Variants in CFAP47 observed in about 807,000 individuals in gnomAD.
CFAP47 encodes cilia- and flagella-associated protein 47.
A neutral mutation model predicts 148.1 loss-of-function variants in CFAP47; 29 were observed. The observed-to-expected ratio is 0.20, with a 90% CI of 0.15 to 0.27. CFAP47 has a LOEUF of 0.27. Ranked by LOEUF, CFAP47 falls within the 10% of genes least tolerant of loss-of-function variation. The pLI is 1.00. For synonymous variants in CFAP47, 664 were observed against 577.3 expected (o/e 1.15, Z -2.15); for missense variants, 1,872 against 1,697.5 (o/e 1.10, Z -1.81).
intron 57 of CFAP47, among the ~76,000 whole-genome samples, chrX:36,323,900 T>C (rs1382615084): frequency 3.6e-5 from 4 of 111,489 alleles, no homozygotes; most frequent in Non-Finnish European, 5.7e-5. Flanking sequence ...TAAGCAAATA[T>C]ATATTTCTAG....
At chrX:36,114,621 C>T (rs73472808) in intron 33 of CFAP47, among the ~76,000 whole-genome samples, 79 of 111,424 alleles carry the variant, frequency 7.1e-4, no homozygotes, top group African/African-American at 2.5e-3. Context: ...AGAAGGCCAG[C>T]GCTCAGCTCT....
chrX:36,243,917 CA>C (rs1444324370), intron 48 of CFAP47, among the ~76,000 whole-genome samples: 8 of 109,180 alleles, frequency 7.3e-5, no homozygotes. Flanking sequence ...ACCAAACAAT[CA>C]CAGAAAATAC....
At chrX:36,160,524 A>G (rs913457883) in intron 38 of CFAP47, among the ~76,000 whole-genome samples, 157 bp from the exon 39 acceptor site, 7 of 111,924 alleles carry the variant, frequency 6.3e-5, no homozygotes, top group Non-Finnish European at 1.3e-4. Flanking sequence ...TAGAATACCT[A>G]GAAAGTTTTT....
chrX:36,232,340 G>A (rs1174552160), intron 46 of CFAP47, among the ~76,000 whole-genome samples: 1 of 111,731 alleles, frequency 9.0e-6, no homozygotes, highest in East Asian at 2.8e-4. Context: ...GTTTAGTCTT[G>A]GGAGAGTGTA....
chrX:36,172,408 C>T (rs1221430065), intron 39 of CFAP47, among the ~76,000 whole-genome samples: 2 of 107,182 alleles, frequency 1.9e-5, no homozygotes, highest in Non-Finnish European at 3.9e-5. Context: ...CAGTTTTTGC[C>T]CATTCAGTAT....
At chrX:36,227,896 C>T (rs1321548728) in intron 45 of CFAP47, among the ~76,000 whole-genome samples, 1 of 111,542 alleles carries the variant, frequency 9.0e-6, no homozygotes, top group Non-Finnish European at 1.9e-5. Context: ...GAAATGGTGA[C>T]CTTCAGAGAA....
At chrX:36,222,480 T>C (rs1940222988) in intron 45 of CFAP47, among the ~76,000 whole-genome samples, 1 of 110,435 alleles carries the variant, frequency 9.1e-6, no homozygotes, top group African/African-American at 3.3e-5. Flanking sequence ...AACCAATATT[T>C]TAAAAATTGA....
intron 45 of CFAP47, among the ~76,000 whole-genome samples, chrX:36,226,835 A>G (rs781965006): frequency 3.5e-4 from 39 of 111,803 alleles, no homozygotes; most frequent in Non-Finnish European, 5.8e-4. Flanking sequence ...TGTGCGTTGC[A>G]ATGATTGTGT....
chrX:36,360,442 T>C (rs954849299), intron 60 of CFAP47, among the ~76,000 whole-genome samples: 1 of 111,788 alleles, frequency 8.9e-6, no homozygotes, highest in Non-Finnish European at 1.9e-5. Flanking sequence ...CCAGGCCTAG[T>C]GCAAGGATAT....
At chrX:35,973,440 C>T (rs189576501) in intron 13 of CFAP47, among the ~76,000 whole-genome samples, 37 of 111,884 alleles carry the variant, frequency 3.3e-4, no homozygotes, top group Non-Finnish European at 3.9e-4. Context: ...CCGCCCGCCT[C>T]GGCCTCCCAA....
At chrX:36,344,247 A>G (rs1556016244) in intron 57 of CFAP47, among the ~76,000 whole-genome samples, 2 of 98,945 alleles carry the variant, frequency 2.0e-5, no homozygotes, top group Non-Finnish European at 3.8e-5. Context: ...AAGAAAAAAA[A>G]AGAGAGAAAG....
chrX:36,245,287 A>G (rs781963773), intron 48 of CFAP47, among the ~76,000 whole-genome samples: 1 of 111,806 alleles, frequency 8.9e-6, no homozygotes, highest in Non-Finnish European at 1.9e-5. Context: ...AAAGCCAAGG[A>G]TGCCAAATTT....
At chrX:35,959,678 G>A (rs774907915) in intron 8 of CFAP47, among the ~76,000 whole-genome samples, 6 of 109,520 alleles carry the variant, frequency 5.5e-5, no homozygotes, top group South Asian at 4.0e-4. Context: ...GTGGTGTCAC[G>A]TGCCTGTAAT....
chrX:36,020,282 G>A (rs930643999), intron 22 of CFAP47, among the ~76,000 whole-genome samples: 1 of 111,933 alleles, frequency 8.9e-6, no homozygotes, highest in East Asian at 2.8e-4. Flanking sequence ...AATGATCCAC[G>A]TGCTGAGAAG....
chrX:36,366,959 A>G lies in CFAP47; in HGVS notation c.9024-7A>G. 1.8e-6 allele frequency: 2 copies of G among 1,102,559 alleles called. No homozygotes were observed. The highest frequency in any genetic ancestry group is 2.4e-6 in the Non-Finnish European group (2 of 835,739). 90.9% of individuals were successfully genotyped at this position (1,102,559 alleles called of 1,213,427 possible). A position where few individuals can be genotyped will look rare whatever the true frequency, so the allele number is the denominator to read the frequency against. On this transcript the variant is annotated splice_polypyrimidine_tract_variant and splice_region_variant and intron_variant, in intron 61 of 63. Coordinates refer to ENST00000378653, the MANE Select transcript of CFAP47 (RefSeq NM_001304548.2). ...AGTGTCATTTAAAATCTCCTTTTAT[A>G]TTCAAGGTCTCACATAACACTGAAA...
intron 22 of CFAP47, among the ~76,000 whole-genome samples, chrX:36,029,230 G>A (rs1389232308): frequency 2.7e-5 from 3 of 110,887 alleles, no homozygotes; most frequent in Non-Finnish European, 5.7e-5. Flanking sequence ...TAGTTGTAAT[G>A]TATCTGTTTT....
chrX:36,163,825 G>T (rs1277750132), intron 39 of CFAP47, among the ~76,000 whole-genome samples: 1 of 111,263 alleles, frequency 9.0e-6, no homozygotes, highest in Non-Finnish European at 1.9e-5. Context: ...GGCCAGGCTG[G>T]TCTCGAACTC....
rs748586571 is a variant in CFAP47, at chrX:36,130,102, G to C, written c.5321-7856G>C. On this transcript the variant is annotated intron_variant, in intron 33 of 63. Coordinates refer to ENST00000378653, the MANE Select transcript of CFAP47 (RefSeq NM_001304548.2). ...AGTCAAATGTAAAAGCTTCTGCACAGTAATGGATACAATCAACAAAGTAAA... is the reference window on the plus strand; with the variant it reads ...AGTCAAATGTAAAAGCTTCTGCACACTAATGGATACAATCAACAAAGTAAA... Among the ~76,000 whole-genome samples, 3 of 111,152 alleles carry C rather than the reference G, an allele frequency of 2.7e-5. No individual in the cohort carries two copies. In the South Asian group the frequency reaches 1.1e-3, roughly 41 times the overall value.
chrX:36,280,990 T>C, intron 50 of CFAP47, among the ~76,000 whole-genome samples: 1 of 112,418 alleles, frequency 8.9e-6, no homozygotes, highest in Non-Finnish European at 1.9e-5. Flanking sequence ...ATATAAGAGA[T>C]ACTAGCAATC....
Sources: gnomAD v4.1 joint callset for allele counts (sites outside exome capture counted in the v4.1 genomes callset) on GRCh38, gnomAD v4.1.1 for gene constraint, MANE v1.5 for transcripts, NCBI Gene and HGNC (gene_info 2026-07-23, HGNC 2026-07-21) for gene names.